ANK2: variants seen among roughly 807,000 people sequenced by gnomAD.
ANK2 encodes ankyrin 2.
In ANK2, 83 loss-of-function variants were observed where a neutral mutation model predicts 360.5. The observed-to-expected ratio is 0.23, with a 90% CI of 0.19 to 0.28. ANK2 has a LOEUF of 0.28. Among genes scored for constraint, ANK2 ranks in the 10% least tolerant of loss-of-function variants. The pLI is 1.00. For missense variants in ANK2, 4,201 were observed against 4,795.7 expected, an observed-to-expected ratio of 0.88 and a Z score of 3.66; for synonymous variants, 1,740 against 1,759.5, an observed-to-expected ratio of 0.99 and a Z score of 0.28.
intron 4 of ANK2, among the ~76,000 whole-genome samples, chr4:113,216,846 A>G (rs1015621097): frequency 1.3e-5 from 2 of 152,124 alleles, no homozygotes; most frequent in African/African-American, 4.8e-5. Context: ...GTACTTTGGG[A>G]TCAAGAATTT....
intron 3 of ANK2, among the ~76,000 whole-genome samples, chr4:113,197,950 C>A (rs2098773722): frequency 6.6e-6 from 1 of 152,166 alleles, no homozygotes; most frequent in Non-Finnish European, 1.5e-5. Context: ...AAGAGGAGCA[C>A]TCACAGGAGC....
intron 1 of ANK2, among the ~76,000 whole-genome samples, chr4:113,085,599 G>T (rs1049979366): frequency 1.3e-5 from 2 of 152,084 alleles, no homozygotes; most frequent in Non-Finnish European, 2.9e-5. Flanking sequence ...GAGCCACCGC[G>T]CCCGGCCTTG....
At chr4:113,018,851 G>T (rs903672766) in intron 2 of ANK2, among the ~76,000 whole-genome samples, 2 of 152,118 alleles carry the variant, frequency 1.3e-5, no homozygotes, top group African/African-American at 4.8e-5. Context: ...CTGAAAGGTC[G>T]CTGATTCTTG....
At chr4:113,299,398 A>C (rs1462244208) in intron 22 of ANK2, among the ~76,000 whole-genome samples, 2 of 152,214 alleles carry the variant, frequency 1.3e-5, no homozygotes, top group Non-Finnish European at 2.9e-5. Context: ...TCACATTTTT[A>C]AATATTCCCA....
intron 1 of ANK2, among the ~76,000 whole-genome samples, chr4:112,824,065 A>G (rs1184828324): frequency 6.6e-6 from 1 of 152,182 alleles, no homozygotes; most frequent in African/African-American, 2.4e-5. Flanking sequence ...TAAACTTTAG[A>G]TGGAGAGTTT....
At chr4:113,035,560 C>T (rs1003132693) in intron 2 of ANK2, among the ~76,000 whole-genome samples, 3 of 151,834 alleles carry the variant, frequency 2.0e-5, no homozygotes, top group African/African-American at 4.8e-5. Flanking sequence ...TATAGATATT[C>T]GAGTAAAATG....
At chr4:112,887,006 T>A (rs2078600904) in intron 1 of ANK2, among the ~76,000 whole-genome samples, 2 of 152,234 alleles carry the variant, frequency 1.3e-5, no homozygotes, top group Non-Finnish European at 2.9e-5. Flanking sequence ...CGTCAAGATC[T>A]TATTCAAATG....
intron 1 of ANK2, chr4:112,827,447 A>C: frequency 7.3e-7 from 1 of 1,378,098 alleles, no homozygotes; most frequent in Non-Finnish European, 1.0e-6. Context: ...GAGGGCTTAA[A>C]AGACAACCTT....
chr4:112,749,046 T>G, the ANK2 span, among the ~76,000 whole-genome samples: 3 of 152,138 alleles, frequency 2.0e-5, no homozygotes, highest in Non-Finnish European at 4.4e-5. Flanking sequence ...ATTACAGGCG[T>G]GTGCCACCAC....
At chr4:112,928,230 G>T (rs1439551146) in intron 2 of ANK2, among the ~76,000 whole-genome samples, 2 of 151,904 alleles carry the variant, frequency 1.3e-5, no homozygotes, top group African/African-American at 4.8e-5. Context: ...TTTTGAACTC[G>T]CTTTGAAGTA....
intron 2 of ANK2, among the ~76,000 whole-genome samples, chr4:113,016,253 A>T (rs2056579991): frequency 6.6e-6 from 1 of 152,088 alleles, no homozygotes; most frequent in East Asian, 1.9e-4. Context: ...ATAGGCAGAG[A>T]CTGAAAAGGC....
At chr4:113,180,930 G>A (rs1584103356) in intron 2 of ANK2, among the ~76,000 whole-genome samples, 1 of 152,298 alleles carries the variant, frequency 6.6e-6, no homozygotes, top group Middle Eastern at 3.4e-3. Context: ...GTGCCATCCT[G>A]TAATCTCTTT....
intron 1 of ANK2, among the ~76,000 whole-genome samples, chr4:113,119,151 C>T (rs1163403731): frequency 6.6e-6 from 1 of 152,156 alleles, no homozygotes; most frequent in Non-Finnish European, 1.5e-5. Context: ...GGTCATATGA[C>T]AGGATCATCT....
chr4:112,740,514 C>T, the ANK2 span, among the ~76,000 whole-genome samples: 1 of 151,980 alleles, frequency 6.6e-6, no homozygotes, highest in Non-Finnish European at 1.5e-5. Context: ...ACCAGCCTGG[C>T]CAACATGGTG....
intron 26 of ANK2, among the ~76,000 whole-genome samples, chr4:113,322,773 C>G (rs2087009495): frequency 6.6e-6 from 1 of 152,128 alleles, no homozygotes; most frequent in East Asian, 1.9e-4. Context: ...TAAAAATCAT[C>G]TTGAAGGTAT....
intron 14 of ANK2, among the ~76,000 whole-genome samples, chr4:113,267,306 T>C (rs1469961498): frequency 6.6e-6 from 1 of 152,262 alleles, no homozygotes; most frequent in Admixed American, 6.5e-5. Context: ...TTTGGTGTTT[T>C]AGTCATGAAG....
At chr4:113,164,806 G>A (rs1045439279) in intron 1 of ANK2, among the ~76,000 whole-genome samples, 14 of 152,076 alleles carry the variant, frequency 9.2e-5, no homozygotes, top group African/African-American at 3.4e-4. Flanking sequence ...GTATTGCAGT[G>A]GGATGAGCTC....
chr4:113,302,290 A>G (rs1212194488), intron 22 of ANK2, among the ~76,000 whole-genome samples: 1 of 152,242 alleles, frequency 6.6e-6, no homozygotes, highest in African/African-American at 2.4e-5. Flanking sequence ...CTCTGATCCC[A>G]AAAGAGATGT....
At chr4:113,320,672 A>G (rs1427376557) in intron 26 of ANK2, among the ~76,000 whole-genome samples, 1 of 151,798 alleles carries the variant, frequency 6.6e-6, no homozygotes, top group Non-Finnish European at 1.5e-5. Flanking sequence ...AACAAAAACA[A>G]AAACAAAAAA....
Sources: allele counts gnomAD v4.1 joint callset (sites outside exome capture counted in the v4.1 genomes callset), GRCh38; gene constraint gnomAD v4.1.1; transcripts MANE v1.5; gene names NCBI Gene and HGNC (gene_info 2026-07-23, HGNC 2026-07-21).